Variants in RBPMS observed in about 807,000 individuals in gnomAD.
RBPMS encodes RNA-binding protein with multiple splicing.
In RBPMS, 7 loss-of-function variants were observed where a neutral mutation model predicts 26.8. The observed-to-expected ratio is 0.26, with a 90% CI of 0.15 to 0.49. RBPMS has a LOEUF of 0.49. Ranked by LOEUF, RBPMS falls within the 20% of genes least tolerant of loss-of-function variation. The probability of loss-of-function intolerance (pLI) is 0.98; values close to 1 mark genes in which losing one functional copy is unlikely to be tolerated. For synonymous variants in RBPMS, 96 were observed against 93.3 expected (o/e 1.03, Z -0.17); for missense variants, 186 against 250.0 (o/e 0.74, Z 1.73).
At chr8:30,480,015 C>T (rs1818110506) in intron 4 of RBPMS, among the ~76,000 whole-genome samples, 2 of 152,062 alleles carry the variant, frequency 1.3e-5, no homozygotes, top group Non-Finnish European at 2.9e-5. Flanking sequence ...ATTTTTCCTC[C>T]TTAGTATGTT....
chr8:30,521,026 A>G (rs997652703), intron 5 of RBPMS, among the ~76,000 whole-genome samples: 1 of 152,224 alleles, frequency 6.6e-6, no homozygotes, highest in Non-Finnish European at 1.5e-5. Flanking sequence ...TCTTGTAAAA[A>G]GTGTGTCTTT....
chr8:30,480,982 C>A (rs552194206), intron 4 of RBPMS, among the ~76,000 whole-genome samples: 4 of 152,362 alleles, frequency 2.6e-5, no homozygotes, highest in Admixed American at 2.0e-4. Context: ...CATTGCTTTA[C>A]TATACTTCTC....
At position 30,473,934 on chromosome 8, in the gene RBPMS, C is replaced by T. The variant is rs189054059; in HGVS notation, c.67-845C>T. The stretch of plus-strand genomic sequence containing the variant: ...GGGGAATAACACACATTGGGCTTGT[C>T]GGGGGCTTGAGGGGAGGAAGAGCAT... On this transcript the variant is annotated intron_variant, in intron 1 of 8. Transcript: ENST00000397323. 1.6e-3 allele frequency among the ~76,000 whole-genome samples: 248 copies of T among 152,044 alleles called. 1 individual carries two copies. The highest frequency in any genetic ancestry group is 5.5e-3 in the African/African-American group (229 of 41,496).
chr8:30,481,115 CTG>C (rs1818223769), intron 4 of RBPMS, among the ~76,000 whole-genome samples: 1 of 152,134 alleles, frequency 6.6e-6, no homozygotes, highest in Admixed American at 6.5e-5. Flanking sequence ...TTAAAGATAA[CTG>C]AAGGGTTTTG....
chr8:30,464,149 T>A, intron 1 of RBPMS, among the ~76,000 whole-genome samples: 1 of 152,218 alleles, frequency 6.6e-6, no homozygotes, highest in Non-Finnish European at 1.5e-5. Flanking sequence ...AAAAAAGTTA[T>A]AATGACTTTC....
chr8:30,413,977 G>A (rs899906739), intron 1 of RBPMS, among the ~76,000 whole-genome samples: 7 of 152,094 alleles, frequency 4.6e-5, no homozygotes, highest in African/African-American at 1.7e-4. Context: ...CCTGACCTCA[G>A]GTGATCCGCC....
chr8:30,463,362 C>T (rs1343711796), intron 1 of RBPMS, among the ~76,000 whole-genome samples: 1 of 152,242 alleles, frequency 6.6e-6, no homozygotes, highest in Non-Finnish European at 1.5e-5. Flanking sequence ...CTGCGGTCAT[C>T]TGAAGACTTG....
rs115783569 is a variant in RBPMS at position 30,393,322 on chromosome 8, C to T, written c.66+8164C>T. Among the ~76,000 whole-genome samples the T allele has an allele frequency of 2.5e-3, 383 of 152,000 alleles. 1 individual carries two copies. Among genetic ancestry groups the T allele is most frequent in the African/African-American group, 9.0e-3 (371 of 41,452 alleles). The stretch of plus-strand genomic sequence containing the variant: ...GCCATTAATTCCCAGGCTTTTACTT[C>T]TCCAACTCTCCATTTGCCAACCCTG... On this transcript the variant is annotated intron_variant, in intron 1 of 8. Transcript: ENST00000397323.
At chr8:30,390,060 A>G (rs933389417) in intron 1 of RBPMS, among the ~76,000 whole-genome samples, 1 of 152,246 alleles carries the variant, frequency 6.6e-6, no homozygotes, top group African/African-American at 2.4e-5. Context: ...CCAGTTCTCA[A>G]ATAAATGTAT....
intron 6 of RBPMS, among the ~76,000 whole-genome samples, chr8:30,548,529 T>C (rs1156856920): frequency 6.6e-6 from 1 of 152,228 alleles, no homozygotes; most frequent in Non-Finnish European, 1.5e-5. Context: ...AGGGCTGCTG[T>C]ACAGCTTACC....
At chr8:30,462,923 A>T (rs1354804733) in intron 1 of RBPMS, among the ~76,000 whole-genome samples, 1 of 152,098 alleles carries the variant, frequency 6.6e-6, no homozygotes. Context: ...GAGTGATGGT[A>T]ATGAAGAGAT....
intron 5 of RBPMS, among the ~76,000 whole-genome samples, chr8:30,538,786 T>G (rs1214235803): frequency 6.6e-6 from 1 of 152,112 alleles, no homozygotes; most frequent in African/African-American, 2.4e-5. Flanking sequence ...GAGATACCAT[T>G]CCAGTCCCTG....
chr8:30,391,494 A>G (rs1807787338), intron 1 of RBPMS, among the ~76,000 whole-genome samples: 1 of 152,202 alleles, frequency 6.6e-6, no homozygotes, highest in African/African-American at 2.4e-5. Context: ...AATGAGGAGA[A>G]TGAACCTTAA....
intron 4 of RBPMS, among the ~76,000 whole-genome samples, chr8:30,483,992 T>A (rs1163568559): frequency 6.6e-6 from 1 of 152,236 alleles, no homozygotes; most frequent in Non-Finnish European, 1.5e-5. Flanking sequence ...TCCATTCATT[T>A]GTTGGTGGAC....
chr8:30,489,686 GC>G (rs1386017000), intron 4 of RBPMS, among the ~76,000 whole-genome samples: 2 of 152,070 alleles, frequency 1.3e-5, no homozygotes, highest in East Asian at 3.9e-4. Context: ...CTCGTGTTCT[GC>G]CCGCCTCGGC....
chr8:30,545,129 A>G, intron 6 of RBPMS: 3 of 1,322,008 alleles, frequency 2.3e-6, no homozygotes, highest in Non-Finnish European at 3.0e-6. Flanking sequence ...AATATGTTAC[A>G]GGAAAGATTA....
intron 5 of RBPMS, among the ~76,000 whole-genome samples, chr8:30,506,595 C>G (rs933107720): frequency 6.6e-6 from 1 of 152,052 alleles, no homozygotes; most frequent in African/African-American, 2.4e-5. Flanking sequence ...CACGGACAAA[C>G]CCACTTGCAT....
At position 30,539,597 on chromosome 8, in the gene RBPMS, AT is replaced by A. The variant is rs570268546; in HGVS notation, c.398-4886del. On this transcript the variant is annotated intron_variant, in intron 5 of 8. Transcript: ENST00000397323. ...TTCTCAAGTATAAAGCAAATGGTTG[AT>A]TTTTTTTTTTAATCTTTTTTTTAAA... Among the ~76,000 whole-genome samples, 1,246 of 142,184 alleles carry A rather than the reference AT, an allele frequency of 8.8e-3. 9 individuals carry two copies. The highest frequency in any genetic ancestry group is 0.017 in the Middle Eastern group (5 of 286). The allele number at this position is 142,184 out of a possible 152,430, so 93.3% of individuals were successfully genotyped here. A position where few individuals can be genotyped will look rare whatever the true frequency, so the allele number is the denominator to read the frequency against.
chr8:30,453,117 AG>A (rs1325700904), intron 1 of RBPMS, among the ~76,000 whole-genome samples: 15 of 152,258 alleles, frequency 9.9e-5, no homozygotes, highest in Non-Finnish European at 8.8e-5. Context: ...CTTGTTAACG[AG>A]GCAAATTCCA....
Sources: gnomAD v4.1 joint callset for allele counts (sites outside exome capture counted in the v4.1 genomes callset) on GRCh38, gnomAD v4.1.1 for gene constraint, MANE v1.5 for transcripts, NCBI Gene and HGNC (gene_info 2026-07-23, HGNC 2026-07-21) for gene names.